Variants in AEBP1 observed in about 807,000 individuals in gnomAD.
AEBP1 encodes adipocyte enhancer-binding protein 1.
In AEBP1, 69 loss-of-function variants were observed where a neutral mutation model predicts 116.5. The observed-to-expected ratio is 0.59, with a 90% CI of 0.49 to 0.72. AEBP1 has a LOEUF of 0.72. AEBP1 is among the 30% of genes least tolerant of loss of function. The pLI, the probability that AEBP1 is intolerant of heterozygous loss-of-function variation, is 0.00. For missense variants in AEBP1, 1,444 were observed against 1,557.5 expected, an observed-to-expected ratio of 0.93 and a Z score of 1.23; for synonymous variants, 627 against 627.3, an observed-to-expected ratio of 1.00 and a Z score of 0.01.
Position 44,113,780 on chromosome 7 carries a change from A to T in AEBP1, c.2996A>T (p.Asn999Ile). Residue 999 changes from asparagine to isoleucine, a missense_variant, in exon 21 of 21, where the codon AAC (asparagine) becomes ATC (isoleucine). By Grantham distance (149) the Asn-to-Ile change is moderately radical. Coordinates refer to ENST00000223357, the MANE Select transcript of AEBP1 (RefSeq NM_001129.5). The surrounding 1 kb of genome is among the most constrained non-coding windows in gnomAD (Gnocchi z 5.3). ...RIREIMAMNG[N>I]RPIPHIDPSR... ...CGGGAGATCATGGCCATGAACGGGA[A>T]CCGGCCTATCCCACACATAGACCCA... 6.2e-7 allele frequency: 1 copy of T among 1,614,048 alleles called. No homozygotes were observed. Among genetic ancestry groups the T allele is most frequent in the Non-Finnish European group, 8.5e-7 (1 of 1,179,990 alleles).
chr7:44,109,921 T>C, intron 9 of AEBP1, 94 bp from the exon 10 acceptor site: 5 of 1,140,856 alleles, frequency 4.4e-6, no homozygotes, highest in Non-Finnish European at 6.3e-6. Context: ...GTGCCCCCGA[T>C]GTGCCGGGAG....
In AEBP1 at chr7:44,109,325, G is replaced by T. The variant is rs376053706; in HGVS notation, c.1134G>T (p.Thr378=). ...GCGAGGAGTTGGAGGAGGAGTGGAC[G>T]CCTACGGAGAAAGTCAGTAAGTGGG... ...RKGEELEEEW[T]PTEKVKCPPI... Residue 378 remains threonine (T), a synonymous_variant, in exon 9 of 21, where the codon ACG becomes ACT. Coordinates refer to ENST00000223357, the MANE Select transcript of AEBP1 (RefSeq NM_001129.5). The T allele has an allele frequency of 6.8e-7, 1 of 1,474,442 alleles. No homozygotes were observed. The allele number at this position is 1,474,442 out of a possible 1,614,324, so 91.3% of individuals were successfully genotyped here.
Position 44,107,375 on chromosome 7 carries a change from G to A in AEBP1, c.596-64G>A, listed in dbSNP as rs2128808191. On this transcript the variant is annotated intron_variant, in intron 2 of 20. Coordinates refer to ENST00000223357, the MANE Select transcript of AEBP1 (RefSeq NM_001129.5). This position sits in a 1 kb window ranked among gnomAD's most constrained non-coding sequence, Gnocchi z 4.3. ...GGGCTCTATGGGTGGCTGGTGGCCTGAGGCTCCCAAGGTGGTCAGAGCAGG... is the reference window on the plus strand; with the variant it reads ...GGGCTCTATGGGTGGCTGGTGGCCTAAGGCTCCCAAGGTGGTCAGAGCAGG... 2 of 1,545,576 alleles carry A rather than the reference G, an allele frequency of 1.3e-6. No homozygotes were observed. The highest frequency in any genetic ancestry group is 4.5e-5 in the East Asian group (2 of 44,504).
intron 1 of AEBP1, among the ~76,000 whole-genome samples, chr7:44,105,425 A>G (rs2595704): frequency 0.57 from 85,994 of 152,062 alleles, 25,446 homozygotes; most frequent in African/African-American, 0.74. Flanking sequence ...TTAGTACAGG[A>G]AATTAGATGA....
Position 44,106,527 on chromosome 7 carries a change from G to T in AEBP1, c.254-19G>T. On this transcript the variant is annotated intron_variant, in intron 1 of 20. Transcript: ENST00000223357. ...AGAGCTGGCTCTGTTCATTTGACAC[G>T]AGTCTGCATCTTGGACAGTGCCTCC... 1 of 1,568,106 alleles carries T rather than the reference G, an allele frequency of 6.4e-7. No individual in the cohort carries two copies.
In AEBP1 at chr7:44,107,416, C is replaced by T. The variant is rs769121051; in HGVS notation, c.596-23C>T. ...TCAGAGCAGGCCTCCCGCCCACCTG[C>T]TTCTGGAACTCCTGTGTTGCAGGGG... On this transcript the variant is annotated intron_variant, in intron 2 of 20. Coordinates refer to ENST00000223357, the MANE Select transcript of AEBP1 (RefSeq NM_001129.5). This position sits in a 1 kb window ranked among gnomAD's most constrained non-coding sequence, Gnocchi z 4.3. 1 of 1,612,650 alleles carries T rather than the reference C, an allele frequency of 6.2e-7. No individual in the cohort carries two copies.
rs148932183 is a variant in AEBP1 at position 44,107,645 on chromosome 7, C to G, written c.684C>G (p.Thr228=). ...REHQPEPEEE[T]EQPTLDYNDQ... is the part of the protein sequence containing the mutation. The stretch of plus-strand genomic sequence containing the variant: ...TCCCCTCAGAGCCGGAGGAGGAGAC[C>G]GAGCAACCCACACTGGACTACAATG... The change falls in exon 4 of 21, where the codon ACC becomes ACG. Residue 228 remains threonine, a synonymous_variant. Transcript: ENST00000223357. This position sits in a 1 kb window ranked among gnomAD's most constrained non-coding sequence, Gnocchi z 4.3. The G allele has an allele frequency of 6.2e-7, 1 of 1,613,422 alleles. No individual in the cohort carries two copies. Among genetic ancestry groups the G allele is most frequent in the Non-Finnish European group, 8.5e-7 (1 of 1,179,964 alleles).
In AEBP1 at chr7:44,111,121, AC is replaced by A; in HGVS notation, c.1631-30del. ...GGGGTGCTAGGGTGGGCCAGCCGGC[AC>A]CCAGCTAAAGACAACCCCGCCTCCC... is the stretch of plus-strand genomic sequence containing the variant. On this transcript the variant is annotated intron_variant, in intron 13 of 20. Transcript: ENST00000223357. The surrounding 1 kb of genome is among the most constrained non-coding windows in gnomAD (Gnocchi z 4.7). 1 of 1,574,684 alleles carries A rather than the reference AC, an allele frequency of 6.4e-7. No individual in the cohort carries two copies. The highest frequency in any genetic ancestry group is 8.6e-7 in the Non-Finnish European group (1 of 1,157,180).
chr7:44,110,021 C>G lies in AEBP1; in HGVS notation c.1157C>G (p.Pro386Arg). 1.2e-6 allele frequency: 2 copies of G among 1,612,620 alleles called. No individual in the cohort carries two copies. Among genetic ancestry groups the G allele is most frequent in the Non-Finnish European group, 1.7e-6 (2 of 1,179,750 alleles). The change falls in exon 10 of 21, where the codon CCC becomes CGC. Residue 386 changes from proline to arginine, a missense_variant. Coordinates refer to ENST00000223357, the MANE Select transcript of AEBP1 (RefSeq NM_001129.5). ...CTGGGGTACGCGTCCTCAGAGTGTC[C>G]CCCCATTGGGATGGAGTCACACCGT... Reference protein sequence around the residue: ...EWTPTEKVKCPPIGMESHRIE... With the variant: ...EWTPTEKVKCRPIGMESHRIE...
At position 44,110,133 on chromosome 7, in the gene AEBP1, T is replaced by C; in HGVS notation, c.1260+9T>C. Reference sequence around the variant, plus strand: ...GCCGGCTCAACATGCAGGTGGGCATTGGGATGGGCCCATCTCCCAACTGGG... The same window carrying C: ...GCCGGCTCAACATGCAGGTGGGCATCGGGATGGGCCCATCTCCCAACTGGG... On this transcript the variant is annotated intron_variant, in intron 10 of 20. Transcript: ENST00000223357. The C allele has an allele frequency of 6.2e-7, 1 of 1,613,084 alleles. No individual in the cohort carries two copies. The highest frequency in any genetic ancestry group is 8.5e-7 in the Non-Finnish European group (1 of 1,179,970).
chr7:44,104,514 C>A lies in AEBP1; in HGVS notation c.-152C>A, dbSNP rs559174283. The stretch of plus-strand genomic sequence containing the variant: ...TCGCCCACCCTAATCCACTCTCCCT[C>A]CCTTTCCCGGATTCCCTCGCTCACC... On this transcript the variant is annotated 5_prime_UTR_variant, in exon 1 of 21. Transcript: ENST00000223357. 1,033 of 539,964 alleles carry A rather than the reference C, an allele frequency of 1.9e-3. 1 individual carries two copies. The highest frequency in any genetic ancestry group is 8.4e-3 in the Middle Eastern group (17 of 2,018). The allele number at this position is 539,964 out of a possible 1,614,324, so 33.4% of individuals were successfully genotyped here. A position where few individuals can be genotyped will look rare whatever the true frequency, so the allele number is the denominator to read the frequency against.
rs1302073496 is a variant in AEBP1 at position 44,113,447 on chromosome 7, G to A, written c.2809+96G>A. On this transcript the variant is annotated intron_variant, in intron 20 of 20. Coordinates refer to ENST00000223357, the MANE Select transcript of AEBP1 (RefSeq NM_001129.5). This position sits in a 1 kb window ranked among gnomAD's most constrained non-coding sequence, Gnocchi z 5.3. The stretch of plus-strand genomic sequence containing the variant: ...AACTCAGCGAGCAGGTAGAGTCTGG[G>A]GAGCCTGGGGGCGAAATTCAGAGAG... 3 of 1,447,342 alleles carry A rather than the reference G, an allele frequency of 2.1e-6. No homozygotes were observed. Among genetic ancestry groups the A allele is most frequent in the Non-Finnish European group, 2.8e-6 (3 of 1,068,058 alleles). The allele number at this position is 1,447,342 out of a possible 1,614,324, so 89.7% of individuals were successfully genotyped here.
At position 44,113,026 on chromosome 7, in the gene AEBP1, C is replaced by T. The variant is rs2096231679; in HGVS notation, c.2605C>T (p.Leu869=). The change falls in exon 19 of 21, where the codon CTG becomes TTG. Residue 869 remains leucine (L), a synonymous_variant. Transcript: ENST00000223357. This position sits in a 1 kb window ranked among gnomAD's most constrained non-coding sequence, Gnocchi z 5.3. ...NDFSYLHTNC[L]ELSFYLGCDK... ...CTTCAGTTACCTGCATACCAACTGC[C>T]TGGAGCTCTCCTTCTACCTGGGCTG... 2 of 1,614,122 alleles carry T rather than the reference C, an allele frequency of 1.2e-6. No homozygotes were observed. The highest frequency in any genetic ancestry group is 1.3e-5 in the African/African-American group (1 of 75,044).
rs753375693 is a variant in AEBP1 at position 44,113,776 on chromosome 7, G to A, written c.2992G>A (p.Gly998Arg). ...CATCCGGGAGATCATGGCCATGAACGGGAACCGGCCTATCCCACACATAGA... is the reference window on the plus strand; with the variant it reads ...CATCCGGGAGATCATGGCCATGAACAGGAACCGGCCTATCCCACACATAGA... ...KRIREIMAMN[G>R]NRPIPHIDPS... The change falls in exon 21 of 21, where the codon GGG (glycine) becomes AGG (arginine). Residue 998 changes from glycine to arginine, a missense_variant. Coordinates refer to ENST00000223357, the MANE Select transcript of AEBP1 (RefSeq NM_001129.5). This position sits in a 1 kb window ranked among gnomAD's most constrained non-coding sequence, Gnocchi z 5.3. 16 of 1,613,914 alleles carry A rather than the reference G, an allele frequency of 9.9e-6. No individual in the cohort carries two copies. The Admixed American group carries it at 2.0e-4, about 20-fold the overall frequency.
chr7:44,110,043 C>A lies in AEBP1; in HGVS notation c.1179C>A (p.His393Gln). 1 of 1,613,002 alleles carries A rather than the reference C, an allele frequency of 6.2e-7. No individual in the cohort carries two copies. The highest frequency in any genetic ancestry group is 8.5e-7 in the Non-Finnish European group (1 of 1,179,978). ...GTCCCCCCATTGGGATGGAGTCACA[C>A]CGTATTGAGGACAACCAGATCCGAG... ...VKCPPIGMES[H>Q]RIEDNQIRAS... Residue 393 changes from histidine to glutamine, a missense_variant, in exon 10 of 21, where the codon CAC becomes CAA. His to Gln is a conservative substitution (Grantham distance 24). Transcript: ENST00000223357.
intron 1 of AEBP1, chr7:44,106,074 T>C: frequency 2.4e-6 from 1 of 408,428 alleles, no homozygotes; most frequent in Non-Finnish European, 4.9e-6. Flanking sequence ...GTCCCTTTTC[T>C]TTGAAGCTTT....
At chr7:44,109,892 C>A in intron 9 of AEBP1, 123 bp from the exon 10 acceptor site, 1 of 860,958 alleles carries the variant, frequency 1.2e-6, no homozygotes, top group Non-Finnish European at 1.8e-6. Flanking sequence ...CACCAGCTGA[C>A]CAGAGCTGCC....
chr7:44,109,387 G>A, intron 9 of AEBP1, 46 bp downstream of exon 9: 1 of 1,461,120 alleles, frequency 6.8e-7, no homozygotes, highest in Non-Finnish European at 9.1e-7. Context: ...CACAGGATGG[G>A]GGTGCTGGGA....
chr7:44,112,463 A>T lies in AEBP1; in HGVS notation c.2218-95A>T. On this transcript the variant is annotated intron_variant, in intron 17 of 20. Transcript: ENST00000223357. The surrounding 1 kb of genome is among the most constrained non-coding windows in gnomAD (Gnocchi z 6.6). Reference sequence around the variant, plus strand: ...GGGTTGGGGGACAGGGGATCGTGCGAGTACTGGTGTGAAGCTTCATGGAGG... The same window carrying T: ...GGGTTGGGGGACAGGGGATCGTGCGTGTACTGGTGTGAAGCTTCATGGAGG... 2 of 1,394,582 alleles carry T rather than the reference A, an allele frequency of 1.4e-6. No individual in the cohort carries two copies. The highest frequency in any genetic ancestry group is 1.9e-6 in the Non-Finnish European group (2 of 1,029,930). The allele number at this position is 1,394,582 out of a possible 1,614,324, so 86.4% of individuals were successfully genotyped here.
Sources: allele counts gnomAD v4.1 joint callset (sites outside exome capture counted in the v4.1 genomes callset), GRCh38; gene constraint gnomAD v4.1.1; non-coding constraint Gnocchi (gnomAD v3.1); transcripts MANE v1.5; gene names NCBI Gene and HGNC (gene_info 2026-07-23, HGNC 2026-07-21).